The following ANKIB1 variants were observed in gnomAD, a reference collection of about 807,000 sequenced individuals.
The protein encoded by ANKIB1 is ankyrin repeat and IBR domain containing 1, also known as ankyrin repeat and IBR domain-containing protein 1.
ANKIB1 carries 43 observed loss-of-function variants against 122.1 expected under a neutral mutation model. That is an observed-to-expected ratio of 0.35 (90% CI 0.28 to 0.45). The LOEUF (loss-of-function observed/expected upper bound fraction) is 0.45. Among genes scored for constraint, ANKIB1 ranks in the 20% least tolerant of loss-of-function variants. ANKIB1 has a pLI of 1.00. For missense variants in ANKIB1, 992 were observed against 1,329.5 expected (o/e 0.75, Z 3.95); for synonymous variants, 390 against 442.0 (o/e 0.88, Z 1.48).
At chr7:92,280,615 A>G (rs530561794) in intron 1 of ANKIB1, among the ~76,000 whole-genome samples, 9 of 152,228 alleles carry the variant, frequency 5.9e-5, no homozygotes, top group African/African-American at 2.2e-4. Context: ...TTCTCCTCCT[A>G]TCTCAGGAAA....
intron 5 of ANKIB1, among the ~76,000 whole-genome samples, chr7:92,341,133 T>C (rs927170616): frequency 6.6e-6 from 1 of 151,974 alleles, no homozygotes; most frequent in Admixed American, 6.6e-5. Flanking sequence ...GGTGAAACCC[T>C]GTCTCTACTA....
chr7:92,363,783 G>T (rs892785621), intron 10 of ANKIB1, among the ~76,000 whole-genome samples: 15 of 152,098 alleles, frequency 9.9e-5, no homozygotes, highest in Non-Finnish European at 5.9e-5. Context: ...CAGCATTTTA[G>T]ATCTACGAGG....
chr7:92,347,547 A>T (rs1306895204), intron 7 of ANKIB1, among the ~76,000 whole-genome samples: 2 of 152,176 alleles, frequency 1.3e-5, no homozygotes, highest in African/African-American at 4.8e-5. Flanking sequence ...CAGGAGTTCA[A>T]GACTACAGTG....
At chr7:92,338,927 AAAAAAAATATATAT>A (rs1347338441) in intron 5 of ANKIB1, among the ~76,000 whole-genome samples, 119 of 47,564 alleles carry the variant, frequency 2.5e-3, no homozygotes, top group Non-Finnish European at 3.6e-3. Flanking sequence ...AAAAAAAAAA[AAAAAAAATATATAT>A]ATATATATAT....
chr7:92,299,387 A>G (rs1802417037), intron 2 of ANKIB1, among the ~76,000 whole-genome samples: 1 of 152,226 alleles, frequency 6.6e-6, no homozygotes, highest in South Asian at 2.1e-4. Flanking sequence ...AGACCAATGG[A>G]CTTTAATGTA....
intron 4 of ANKIB1, chr7:92,326,150 CT>C (rs1803023939): frequency 5.6e-6 from 1 of 179,372 alleles, no homozygotes; most frequent in African/African-American, 2.3e-5. Flanking sequence ...GGCAGTATGT[CT>C]TTGTCCTTTA....
Position 92,371,608 on chromosome 7 carries a change from G to T in ANKIB1, c.1617+1G>T. On this transcript the variant is annotated splice_donor_variant, in intron 11 of 19. Coordinates refer to ENST00000265742, the MANE Select transcript of ANKIB1 (RefSeq NM_019004.2). LOFTEE classifies it high-confidence loss of function. ...CTGCAATCACATGCAGTGTGCTAAG[G>T]TAAGAAGTTAAAGAGGATTTTGCAT... is the stretch of plus-strand genomic sequence containing the variant. 6.3e-7 allele frequency: 1 copy of T among 1,597,742 alleles called. No individual in the cohort carries two copies. Among genetic ancestry groups the T allele is most frequent in the Non-Finnish European group, 8.5e-7 (1 of 1,171,932 alleles).
intron 1 of ANKIB1, among the ~76,000 whole-genome samples, chr7:92,282,793 A>G (rs1042108536): frequency 2.6e-5 from 4 of 152,242 alleles, no homozygotes; most frequent in Non-Finnish European, 5.9e-5. Flanking sequence ...AATACTGCCT[A>G]TGAAAATTTT....
intron 8 of ANKIB1, 135 bp from the exon 9 acceptor site, chr7:92,352,341 A>G: frequency 1.1e-6 from 1 of 905,394 alleles, no homozygotes; most frequent in Non-Finnish European, 1.6e-6. Context: ...ATTTCTTGAG[A>G]CTGACAACTC....
At chr7:92,369,034 T>C (rs567692432) in intron 10 of ANKIB1, among the ~76,000 whole-genome samples, 1 of 152,294 alleles carries the variant, frequency 6.6e-6, no homozygotes, top group Non-Finnish European at 1.5e-5. Context: ...AACAATAATG[T>C]TGATGCTGAA....
At chr7:92,334,171 T>C (rs1803237544) in intron 5 of ANKIB1, among the ~76,000 whole-genome samples, 1 of 152,150 alleles carries the variant, frequency 6.6e-6, no homozygotes. Flanking sequence ...TAGTACTTAA[T>C]GCTGTTATTA....
chr7:92,339,046 T>C (rs1167990301), intron 5 of ANKIB1, among the ~76,000 whole-genome samples: 1 of 129,532 alleles, frequency 7.7e-6, no homozygotes, highest in African/African-American at 2.9e-5. Context: ...TTTTCTTTTT[T>C]TTTTTTTTTT....
At chr7:92,363,662 G>A (rs1804003090) in intron 10 of ANKIB1, among the ~76,000 whole-genome samples, 3 of 152,182 alleles carry the variant, frequency 2.0e-5, no homozygotes, top group African/African-American at 7.2e-5. Flanking sequence ...CTCGTAGTAG[G>A]TAATTACTGT....
intron 1 of ANKIB1, among the ~76,000 whole-genome samples, chr7:92,286,165 G>A (rs1375087583): frequency 2.0e-5 from 3 of 152,266 alleles, no homozygotes; most frequent in African/African-American, 7.2e-5. Flanking sequence ...TGTTGGACCT[G>A]ATTACCAGCA....
chr7:92,375,579 C>G (rs1054377270), intron 11 of ANKIB1, among the ~76,000 whole-genome samples: 3 of 152,234 alleles, frequency 2.0e-5, no homozygotes, highest in Admixed American at 6.5e-5. Context: ...TCAGGCTGCA[C>G]TTCCAGTTCT....
intron 9 of ANKIB1, among the ~76,000 whole-genome samples, chr7:92,357,076 G>T (rs1178918807): frequency 1.3e-5 from 2 of 152,150 alleles, no homozygotes; most frequent in African/African-American, 4.8e-5. Context: ...TCAGTGGAAG[G>T]TTTTTTCCTT....
At position 92,273,746 on chromosome 7, in the gene ANKIB1, T is replaced by C. The variant is rs560327596; in HGVS notation, c.-90-21143T>C. Reference sequence around the variant, plus strand: ...TGCATTAAAGATTCACTACTTAACATTGGTTAATGTTTCAGACAGCTATTT... The same window carrying C: ...TGCATTAAAGATTCACTACTTAACACTGGTTAATGTTTCAGACAGCTATTT... On this transcript the variant is annotated intron_variant, in intron 1 of 19. Coordinates refer to ENST00000265742, the MANE Select transcript of ANKIB1 (RefSeq NM_019004.2). Among the ~76,000 whole-genome samples the C allele has an allele frequency of 9.2e-5, 14 of 152,084 alleles. No individual in the cohort carries two copies. The East Asian group carries it at 2.7e-3, about 29-fold the overall frequency.
chr7:92,355,926 G>A (rs1193460386), intron 9 of ANKIB1, among the ~76,000 whole-genome samples: 2 of 150,974 alleles, frequency 1.3e-5, no homozygotes, highest in African/African-American at 2.4e-5. Context: ...ATTACCTAGC[G>A]GTTGAGCATT....
chr7:92,364,310 T>TA (rs762884822), intron 10 of ANKIB1, among the ~76,000 whole-genome samples: 1,033 of 33,474 alleles, frequency 0.031, 91 homozygotes, highest in Non-Finnish European at 0.041. Flanking sequence ...AGACTCCATC[T>TA]AAAAAAAAAA....
Sources: gnomAD v4.1 joint callset for allele counts (sites outside exome capture counted in the v4.1 genomes callset) on GRCh38, gnomAD v4.1.1 for gene constraint, MANE v1.5 for transcripts, NCBI Gene and HGNC (gene_info 2026-07-23, HGNC 2026-07-21) for gene names.